The following RPGRIP1L variants were observed in gnomAD, a reference collection of about 807,000 sequenced individuals.
RPGRIP1L encodes the protein protein fantom.
In RPGRIP1L, 131 loss-of-function variants were observed where a neutral mutation model predicts 160.4. The observed-to-expected ratio is 0.82, with a 90% CI of 0.71 to 0.94. RPGRIP1L has a LOEUF of 0.94. Ranked by LOEUF, RPGRIP1L falls within the 40% of genes least tolerant of loss-of-function variation. RPGRIP1L has a pLI of 0.00. For synonymous variants in RPGRIP1L, 510 were observed against 515.8 expected, an observed-to-expected ratio of 0.99 and a Z score of 0.15; for missense variants, 1,522 against 1,535.8, an observed-to-expected ratio of 0.99 and a Z score of 0.15.
At chr16:53,615,406 G>A (rs1964299371) in intron 24 of RPGRIP1L, among the ~76,000 whole-genome samples, 1 of 149,064 alleles carries the variant, frequency 6.7e-6, no homozygotes, top group Non-Finnish European at 1.5e-5. Flanking sequence ...ACCACTGTCT[G>A]GCAAGTAAAT....
At chr16:53,625,429 G>T (rs571932177) in intron 22 of RPGRIP1L, among the ~76,000 whole-genome samples, 7 of 148,848 alleles carry the variant, frequency 4.7e-5, no homozygotes, top group Admixed American at 4.7e-4. Flanking sequence ...CGTCTGGGGG[G>T]TGGGGTGGGG....
chr16:53,645,587 G>T (rs1567829614), intron 17 of RPGRIP1L, 38 bp downstream of exon 17: 2 of 1,591,816 alleles, frequency 1.3e-6, no homozygotes, highest in Non-Finnish European at 1.7e-6. Flanking sequence ...ATTTTGTTTT[G>T]TTTTTACAAT....
At chr16:53,694,973 G>T (rs1314738593) in intron 3 of RPGRIP1L, 4 of 206,502 alleles carry the variant, frequency 1.9e-5, no homozygotes, top group Non-Finnish European at 3.9e-5. Context: ...AGGTTAAATG[G>T]CTTGAACATA....
At chr16:53,653,083 A>G in intron 14 of RPGRIP1L, 96 bp from the exon 15 acceptor site, 2 of 1,017,084 alleles carry the variant, frequency 2.0e-6, no homozygotes, top group East Asian at 2.5e-5. Context: ...CTTCTGGTGA[A>G]CAGTCTCTAT....
intron 9 of RPGRIP1L, among the ~76,000 whole-genome samples, chr16:53,670,853 C>T (rs769848692): frequency 9.2e-5 from 14 of 152,128 alleles, no homozygotes; most frequent in Non-Finnish European, 1.0e-4. Context: ...TCAGCACTTT[C>T]GGAGGCTGAG....
In RPGRIP1L at chr16:53,638,297, C is replaced by CACAAATGCATACCTTGGGAACATGTGGA. The variant is rs1965966957; in HGVS notation, c.3045_3060+12dup. The stretch of plus-strand genomic sequence containing the variant: ...ATTAAACCTTCCAAAATAATTTTAA[C>CACAAATGCATACCTTGGGAACATGTGGA]ACAAATGCATACCTTGGGAACATGT... On this transcript the variant is annotated intron_variant, in intron 20 of 26. Transcript: ENST00000647211. 1 of 1,433,338 alleles carries CACAAATGCATACCTTGGGAACATGTGGA rather than the reference C, an allele frequency of 7.0e-7. No individual in the cohort carries two copies. The highest frequency in any genetic ancestry group is 1.4e-5 in the African/African-American group (1 of 71,086). 88.8% of individuals were successfully genotyped at this position (1,433,338 alleles called of 1,614,324 possible).
intron 14 of RPGRIP1L, among the ~76,000 whole-genome samples, chr16:53,656,189 G>T (rs1053356211): frequency 6.6e-6 from 1 of 152,186 alleles, no homozygotes; most frequent in Admixed American, 6.5e-5. Flanking sequence ...GCTTGGTGCA[G>T]TGTCTCACGC....
intron 3 of RPGRIP1L, chr16:53,695,139 C>T (rs774748480): frequency 1.4e-5 from 8 of 552,276 alleles, no homozygotes; most frequent in East Asian, 5.7e-5. Flanking sequence ...GATGTGAATT[C>T]GATTCTTTTA....
rs1966484198 is a variant in RPGRIP1L, at chr16:53,645,526, A to G, written c.2683+99T>C. The G allele has an allele frequency of 1.2e-5, 13 of 1,094,926 alleles. No homozygotes were observed. The South Asian group carries it at 1.6e-4, about 14-fold the overall frequency. The allele number at this position is 1,094,926 out of a possible 1,614,324, so 67.8% of individuals were successfully genotyped here. A position where few individuals can be genotyped will look rare whatever the true frequency, so the allele number is the denominator to read the frequency against. On this transcript the variant is annotated intron_variant, in intron 17 of 26. Coordinates refer to ENST00000647211, the MANE Select transcript of RPGRIP1L (RefSeq NM_015272.5). ...GGCCTAAAGTTTAAAGACTGAGAAG[A>G]GGTTAGGGTGATTAGTTATAAACGA...
chr16:53,679,502 G>A (rs1027376495), intron 6 of RPGRIP1L, among the ~76,000 whole-genome samples: 3 of 151,892 alleles, frequency 2.0e-5, no homozygotes, highest in African/African-American at 4.8e-5. Flanking sequence ...CCTGGTTCAA[G>A]TGATTCTCCT....
In RPGRIP1L at chr16:53,672,980, T is replaced by A. The variant is rs375940414; in HGVS notation, c.919A>T (p.Met307Leu). ...RTLRISHDAL[M>L]ANGDELNMQL... ...ATGTTTAATTCATCCCCATTTGCCATCAAAGCATCGTGGCTGATTCTGAGA... is the reference window on the plus strand; with the variant it reads ...ATGTTTAATTCATCCCCATTTGCCAACAAAGCATCGTGGCTGATTCTGAGA... Residue 307 changes from methionine to leucine, a missense_variant, in exon 8 of 27, where the codon ATG becomes TTG. Physicochemically the swap from Met to Leu is conservative, Grantham distance 15. Coordinates refer to ENST00000647211, the MANE Select transcript of RPGRIP1L (RefSeq NM_015272.5). 42 of 1,613,314 alleles carry A rather than the reference T, an allele frequency of 2.6e-5. No individual in the cohort carries two copies. In the African/African-American group the frequency reaches 4.3e-4, roughly 16 times the overall value.
chr16:53,691,802 C>T lies in RPGRIP1L; in HGVS notation c.529+264G>A, dbSNP rs187157328. 2.9e-3 allele frequency among the ~76,000 whole-genome samples: 438 copies of T among 152,242 alleles called. 3 individuals carry two copies. Among genetic ancestry groups the T allele is most frequent in the Admixed American group, 5.9e-3 (90 of 15,278 alleles). The stretch of plus-strand genomic sequence containing the variant: ...GTACAGTGGGTTTAACCAACCCAAA[C>T]GCAATTCAACTCATTTTACTTAGTT... On this transcript the variant is annotated intron_variant, in intron 4 of 26. Coordinates refer to ENST00000647211, the MANE Select transcript of RPGRIP1L (RefSeq NM_015272.5).
rs182754698 is a variant in RPGRIP1L at position 53,604,350 on chromosome 16, T to C, written c.3835+1131A>G. On this transcript the variant is annotated intron_variant, in intron 26 of 26. Transcript: ENST00000647211. The stretch of plus-strand genomic sequence containing the variant: ...AGAATGCCTGGCACATAAGAGGTGC[T>C]CCCTTCAGTGTTTGTTGAATGCACA... Among the ~76,000 whole-genome samples the C allele has an allele frequency of 3.5e-3, 527 of 152,342 alleles. 4 individuals are homozygous for C. The highest frequency in any genetic ancestry group is 0.02 in the Middle Eastern group (6 of 294).
At position 53,671,528 on chromosome 16, in the gene RPGRIP1L, T is replaced by C. The variant is rs144023021; in HGVS notation, c.1085A>G (p.Tyr362Cys). 120 of 1,579,246 alleles carry C rather than the reference T, an allele frequency of 7.6e-5. No individual in the cohort carries two copies. In the African/African-American group the frequency reaches 1.3e-3, roughly 17 times the overall value. The change falls in exon 9 of 27, where the codon TAT becomes TGT. Residue 362 changes from tyrosine to cysteine, a missense_variant. Coordinates refer to ENST00000647211, the MANE Select transcript of RPGRIP1L (RefSeq NM_015272.5). ...GATTTACCTGTCATAAAGTTTATCATAGTTTTCCTTTAAAAGTTCCCGTTC... is the reference window on the plus strand; with the variant it reads ...GATTTACCTGTCATAAAGTTTATCACAGTTTTCCTTTAAAAGTTCCCGTTC... ...EKERELLKENYDKLYDSAFSA... is the reference protein window; with the variant it reads ...EKERELLKENCDKLYDSAFSA...
intron 22 of RPGRIP1L, among the ~76,000 whole-genome samples, chr16:53,630,696 T>C (rs1965465425): frequency 6.6e-6 from 1 of 152,118 alleles, no homozygotes; most frequent in African/African-American, 2.4e-5. Flanking sequence ...ACTAGGAGAG[T>C]ATGTCAACAT....
chr16:53,666,817 A>G (rs1265170902), intron 9 of RPGRIP1L, among the ~76,000 whole-genome samples: 1 of 152,158 alleles, frequency 6.6e-6, no homozygotes, highest in Non-Finnish European at 1.5e-5. Flanking sequence ...GTTTAAATTA[A>G]GAACAATTTA....
In RPGRIP1L at chr16:53,641,028, C is replaced by T. The variant is rs1258360301; in HGVS notation, c.2958+5G>A. ...AAATCAGTATTTTCAGTGTCTACTA[C>T]TTACATCACTCTGATGTGGCATGAT... On this transcript the variant is annotated splice_donor_5th_base_variant and intron_variant, in intron 19 of 26. Coordinates refer to ENST00000647211, the MANE Select transcript of RPGRIP1L (RefSeq NM_015272.5). The T allele has an allele frequency of 1.9e-6, 3 of 1,593,522 alleles. No individual in the cohort carries two copies. The highest frequency in any genetic ancestry group is 2.6e-6 in the Non-Finnish European group (3 of 1,161,360).
At chr16:53,636,647 G>C in intron 21 of RPGRIP1L, 135 bp from the exon 22 acceptor site, 1 of 566,110 alleles carries the variant, frequency 1.8e-6, no homozygotes, top group Non-Finnish European at 3.1e-6. Context: ...ATCTTTTTTA[G>C]TAGCAAATTT....
At chr16:53,662,631 G>A (rs1447447959) in intron 10 of RPGRIP1L, among the ~76,000 whole-genome samples, 2 of 151,910 alleles carry the variant, frequency 1.3e-5, no homozygotes, top group Non-Finnish European at 1.5e-5. Flanking sequence ...AGACAGTTTC[G>A]GTTTTTTTGT....
Sources: allele counts gnomAD v4.1 joint callset (sites outside exome capture counted in the v4.1 genomes callset), GRCh38; gene constraint gnomAD v4.1.1; transcripts MANE v1.5; gene names NCBI Gene and HGNC (gene_info 2026-07-23, HGNC 2026-07-21).